Variants in POLR3E observed in about 807,000 individuals in gnomAD.
POLR3E encodes DNA-directed RNA polymerase III subunit RPC5.
A neutral mutation model predicts 96.6 loss-of-function variants in POLR3E; 41 were observed. The ratio of observed to expected loss-of-function variants is 0.42; its 90% CI spans 0.33 to 0.55. POLR3E has a LOEUF of 0.55. Ranked by LOEUF, POLR3E falls within the 20% of genes least tolerant of loss-of-function variation. The probability of loss-of-function intolerance (pLI) is 0.06; values close to 1 mark genes in which losing one functional copy is unlikely to be tolerated. For synonymous variants in POLR3E, 396 were observed against 383.6 expected (o/e 1.03, Z -0.38); for missense variants, 849 against 952.1 (o/e 0.89, Z 1.43).
At chr16:22,328,375 G>C (rs2048656015) in intron 18 of POLR3E, 135 bp from the exon 19 acceptor site, 2 of 729,684 alleles carry the variant, frequency 2.7e-6, no homozygotes, top group Non-Finnish European at 4.8e-6. Context: ...GGCCCTCAGA[G>C]ATGGTGAGTA....
chr16:22,310,532 C>T, intron 6 of POLR3E, among the ~76,000 whole-genome samples: 1 of 151,928 alleles, frequency 6.6e-6, no homozygotes, highest in Admixed American at 6.6e-5. Context: ...GGTGACCTGC[C>T]CACCTCGGCC....
At chr16:22,312,387 T>C (rs937384671) in intron 6 of POLR3E, among the ~76,000 whole-genome samples, 9 of 152,056 alleles carry the variant, frequency 5.9e-5, no homozygotes, top group African/African-American at 2.2e-4. Context: ...ATCCCAGTTA[T>C]GCAGGAGGCT....
At chr16:22,331,010 T>TTTTTTTG (rs2048727938) in intron 19 of POLR3E, among the ~76,000 whole-genome samples, 1 of 123,356 alleles carries the variant, frequency 8.1e-6, no homozygotes. Flanking sequence ...TTTTTTTTTT[T>TTTTTTTG]TTTTTTTTTT....
chr16:22,312,573 A>C (rs2048268202), intron 6 of POLR3E, among the ~76,000 whole-genome samples: 1 of 152,072 alleles, frequency 6.6e-6, no homozygotes, highest in African/African-American at 2.4e-5. Context: ...GCTGGTAAAA[A>C]GTACAAGGCG....
chr16:22,325,933 G>GGAGGAC lies in POLR3E; in HGVS notation c.1527_1532dup (p.Asp509_Glu510dup). 6.3e-7 allele frequency: 1 copy of GGAGGAC among 1,595,106 alleles called. No individual in the cohort carries two copies. Among genetic ancestry groups the GGAGGAC allele is most frequent in the Non-Finnish European group, 8.5e-7 (1 of 1,170,648 alleles). ...AGGAGCCCGTGAGCGAGGAGGGCGA[G>GGAGGAC]GAGGACGAGGAGCAGGAGGCGGAGG... is the stretch of plus-strand genomic sequence containing the variant. On this transcript the variant is annotated inframe_insertion, in exon 18 of 21. Transcript: ENST00000299853.
chr16:22,312,160 T>C (rs2048260615), intron 6 of POLR3E, among the ~76,000 whole-genome samples: 1 of 152,118 alleles, frequency 6.6e-6, no homozygotes, highest in African/African-American at 2.4e-5. Context: ...TGTTCTAAAA[T>C]TGGTTGTGCT....
intron 2 of POLR3E, among the ~76,000 whole-genome samples, chr16:22,304,489 C>T (rs1421106434): frequency 6.6e-6 from 1 of 152,188 alleles, no homozygotes; most frequent in African/African-American, 2.4e-5. Context: ...GGAATGCTTC[C>T]TGCCCAAGTT....
intron 19 of POLR3E, among the ~76,000 whole-genome samples, chr16:22,330,590 T>C (rs2048716283): frequency 6.6e-6 from 1 of 152,152 alleles, no homozygotes; most frequent in Non-Finnish European, 1.5e-5. Flanking sequence ...CCGGGAAGCC[T>C]CTCCCTCTGC....
At chr16:22,324,105 G>T (rs1280075961) in intron 14 of POLR3E, among the ~76,000 whole-genome samples, 1 of 152,128 alleles carries the variant, frequency 6.6e-6, no homozygotes, top group Non-Finnish European at 1.5e-5. Context: ...GAGCGCTGTG[G>T]TCTAGGTGGG....
At chr16:22,303,639 C>CTT (rs58949663) in intron 2 of POLR3E, among the ~76,000 whole-genome samples, 27 of 114,228 alleles carry the variant, frequency 2.4e-4, no homozygotes, top group Admixed American at 9.6e-4. Flanking sequence ...GCAGATTTCC[C>CTT]TTTTTTTTTT....
Position 22,316,626 on chromosome 16 carries a change from A to G in POLR3E, c.668A>G (p.Gln223Arg). 6 of 1,614,018 alleles carry G rather than the reference A, an allele frequency of 3.7e-6. No individual in the cohort carries two copies. Among genetic ancestry groups the G allele is most frequent in the Non-Finnish European group, 5.1e-6 (6 of 1,179,894 alleles). Residue 223 changes from glutamine to arginine, a missense_variant, in exon 10 of 21, where the codon CAG becomes CGG. Transcript: ENST00000299853. ...LRDSRSEHER[Q>R]YLLCPGSSGV... ...GACAGTCGCTCTGAGCATGAGCGTCAGTACCTGCTGTGCCCCGGCTCAAGC... is the reference window on the plus strand; with the variant it reads ...GACAGTCGCTCTGAGCATGAGCGTCGGTACCTGCTGTGCCCCGGCTCAAGC...
At chr16:22,328,485 C>A in intron 18 of POLR3E, 25 bp from the exon 19 acceptor site, 1 of 1,598,390 alleles carries the variant, frequency 6.3e-7, no homozygotes, top group Non-Finnish European at 8.6e-7. Flanking sequence ...GATGGACAAG[C>A]AACTCACCCC....
At chr16:22,332,565 AC>A (rs2141828868) in intron 20 of POLR3E, among the ~76,000 whole-genome samples, 1 of 152,202 alleles carries the variant, frequency 6.6e-6, no homozygotes, top group African/African-American at 2.4e-5. Flanking sequence ...AAACAATAGA[AC>A]AACAAAAAAA....
Position 22,324,428 on chromosome 16 carries a change from T to G in POLR3E, c.1128+15T>G, listed in dbSNP as rs761641657. On this transcript the variant is annotated intron_variant, in intron 15 of 20. Transcript: ENST00000299853. The stretch of plus-strand genomic sequence containing the variant: ...CCGTGACCAAAGTAAGTGGCGTTTT[T>G]GTGGTCTGAGGCCCAGGCTGCTGCT... 3.1e-6 allele frequency: 5 copies of G among 1,611,570 alleles called. No homozygotes were observed. In the East Asian group the frequency reaches 9.0e-5, roughly 29 times the overall value.
chr16:22,329,059 C>G (rs916693979), intron 19 of POLR3E: 1 of 175,400 alleles, frequency 5.7e-6, no homozygotes, highest in African/African-American at 2.4e-5. Context: ...GCACTCCAGA[C>G]TGGGCGACAG....
At chr16:22,332,000 T>C in intron 19 of POLR3E, 60 bp from the exon 20 acceptor site, 1 of 1,568,096 alleles carries the variant, frequency 6.4e-7, no homozygotes, top group African/African-American at 1.4e-5. Context: ...GTGTCTTGTT[T>C]GGGGATGTTT....
chr16:22,304,031 G>A (rs538596485), intron 2 of POLR3E, among the ~76,000 whole-genome samples: 12 of 152,016 alleles, frequency 7.9e-5, no homozygotes, highest in Non-Finnish European at 1.5e-4. Context: ...GGCTGGTCTC[G>A]ATCTCCTGAC....
chr16:22,326,224 C>G lies in POLR3E; in HGVS notation c.1812C>G (p.Asp604Glu). Residue 604 changes from aspartate to glutamate, a missense_variant, in exon 18 of 21, where the codon GAC (aspartate) becomes GAG (glutamate). Coordinates refer to ENST00000299853, the MANE Select transcript of POLR3E (RefSeq NM_018119.4). Reference sequence around the variant, plus strand: ...ACACACTCTTCAGCGGCATCTCGGACCGCATGCTACAGGACACGGTGCTGG... The same window carrying G: ...ACACACTCTTCAGCGGCATCTCGGAGCGCATGCTACAGGACACGGTGCTGG... ...PGHTLFSGIS[D>E]RMLQDTVLAA... The G allele has an allele frequency of 6.2e-7, 1 of 1,613,394 alleles. No homozygotes were observed. The highest frequency in any genetic ancestry group is 8.5e-7 in the Non-Finnish European group (1 of 1,179,856).
chr16:22,310,622 T>A (rs1287854146), intron 6 of POLR3E, among the ~76,000 whole-genome samples: 37 of 137,642 alleles, frequency 2.7e-4, no homozygotes, highest in East Asian at 8.5e-4. Context: ...TTAAAAAGTT[T>A]AAAAAAAAAA....
Sources: gnomAD v4.1 joint callset for allele counts (sites outside exome capture counted in the v4.1 genomes callset) on GRCh38, gnomAD v4.1.1 for gene constraint, MANE v1.5 for transcripts, NCBI Gene and HGNC (gene_info 2026-07-23, HGNC 2026-07-21) for gene names.